Variants in FRMPD3 observed in about 807,000 individuals in gnomAD.
The protein encoded by FRMPD3 is FERM and PDZ domain containing 3, also known as FERM and PDZ domain-containing protein 3.
In FRMPD3, 42 loss-of-function variants were observed where a neutral mutation model predicts 97.9. That is an observed-to-expected ratio of 0.43 (90% CI 0.34 to 0.55). The LOEUF is 0.55. FRMPD3 is among the 20% of genes least tolerant of loss of function. The probability of loss-of-function intolerance (pLI) is 0.03; values close to 1 mark genes in which losing one functional copy is unlikely to be tolerated. For missense variants in FRMPD3, 1,303 were observed against 1,457.7 expected, an observed-to-expected ratio of 0.89 and a Z score of 1.73; for synonymous variants, 577 against 581.1, an observed-to-expected ratio of 0.99 and a Z score of 0.10.
chrX:107,485,184 G>A (rs1266974479), intron 1 of FRMPD3, among the ~76,000 whole-genome samples: 2 of 112,848 alleles, frequency 1.8e-5, no homozygotes, highest in Non-Finnish European at 3.7e-5. Flanking sequence ...TAAGGGGGAA[G>A]GAAAGGGGAA....
chrX:107,516,672 T>C lies in FRMPD3; in HGVS notation c.-7-9910T>C, dbSNP rs781075537. Reference sequence around the variant, plus strand: ...TGTGTTTTTTGGCTGCATAAATGTCTTCTTTTGAGAAGCGTCTGTTCATAT... The same window carrying C: ...TGTGTTTTTTGGCTGCATAAATGTCCTCTTTTGAGAAGCGTCTGTTCATAT... On this transcript the variant is annotated intron_variant, in intron 1 of 14. Coordinates refer to ENST00000683843, the MANE Select transcript of FRMPD3 (RefSeq NM_001388459.1). Among the ~76,000 whole-genome samples, 309 of 111,939 alleles carry C rather than the reference T, an allele frequency of 2.8e-3. 5 individuals are homozygous for C. Among genetic ancestry groups the C allele is most frequent in the African/African-American group, 9.6e-3 (296 of 30,847 alleles).
At chrX:107,489,056 A>T (rs1369707231) in intron 1 of FRMPD3, among the ~76,000 whole-genome samples, 3 of 94,875 alleles carry the variant, frequency 3.2e-5, no homozygotes, top group Admixed American at 1.3e-4. Context: ...TCGTTGTTCA[A>T]TTCCCACCTA....
At position 107,550,114 on chromosome X, in the gene FRMPD3, G is replaced by A. The variant is rs1398652319; in HGVS notation, c.468G>A (p.Gly156=). The A allele has an allele frequency of 8.3e-7, 1 of 1,203,088 alleles. No homozygotes were observed. Among genetic ancestry groups the A allele is most frequent in the African/African-American group, 1.8e-5 (1 of 56,939 alleles). ...TCCTGAAGGTTTTCTTAGAAAATGG[G>A]CAGATCAAGTCATTCACATTTGATG... The part of the protein sequence containing the change: ...PNVLKVFLEN[G]QIKSFTFDGR... The change falls in exon 6 of 15, where the codon GGG becomes GGA. Residue 156 remains glycine (G), a synonymous_variant. Coordinates refer to ENST00000683843, the MANE Select transcript of FRMPD3 (RefSeq NM_001388459.1).
chrX:107,533,530 A>C lies in FRMPD3; in HGVS notation c.277A>C (p.Thr93Pro). 1 of 1,207,225 alleles carries C rather than the reference A, an allele frequency of 8.3e-7. No homozygotes were observed. Among genetic ancestry groups the C allele is most frequent in the Non-Finnish European group, 1.1e-6 (1 of 893,104 alleles). The change falls in exon 4 of 15, where the codon ACA becomes CCA. Residue 93 changes from threonine (T) to proline (P), a missense_variant. By Grantham distance (38) the Thr-to-Pro change is conservative. Transcript: ENST00000683843. ...IRSAKEFIVL[T>P]VLHTHQSPKS... ...GAGCGCTAAGGAATTCATCGTTCTT[A>C]CAGTTCTGCACACTCATCAGGTGAG...
chrX:107,562,728 G>A (rs1442252070), intron 10 of FRMPD3, among the ~76,000 whole-genome samples: 1 of 112,157 alleles, frequency 8.9e-6, no homozygotes, highest in Non-Finnish European at 1.9e-5. Context: ...TAGTATGAAC[G>A]GTATTGAGTG....
chrX:107,602,466 A>G lies in FRMPD3; in HGVS notation c.4427A>G (p.Tyr1476Cys), dbSNP rs540091885. The change falls in exon 15 of 15, where the codon TAC (tyrosine) becomes TGC (cysteine). Residue 1476 changes from tyrosine (Y) to cysteine (C), a missense_variant. By Grantham distance (194) the Tyr-to-Cys change is radical (BLOSUM62 -2). Coordinates refer to ENST00000683843, the MANE Select transcript of FRMPD3 (RefSeq NM_001388459.1). ...GTGTTCTCACTGCCCGAGGAGGTGT[A>G]CCGGAAGCCTGCCGAGCTAGACGAG... The part of the protein sequence containing the change: ...MAVFSLPEEV[Y>C]RKPAELDEDS... 23 of 1,210,228 alleles carry G rather than the reference A, an allele frequency of 1.9e-5. No homozygotes were observed. In the South Asian group the frequency reaches 3.7e-4, roughly 19 times the overall value.
chrX:107,456,695 T>G (rs1464462315), intron 1 of FRMPD3, among the ~76,000 whole-genome samples: 3 of 112,099 alleles, frequency 2.7e-5, no homozygotes, highest in Admixed American at 9.5e-5. Flanking sequence ...CACGTGACAT[T>G]TGGTTGTTAT....
intron 12 of FRMPD3, among the ~76,000 whole-genome samples, chrX:107,574,216 G>GA (rs1923020326): frequency 9.0e-6 from 1 of 110,700 alleles, no homozygotes; most frequent in Admixed American, 9.6e-5. Flanking sequence ...GGCCAAGGAG[G>GA]ATCACTTGTG....
intron 1 of FRMPD3, among the ~76,000 whole-genome samples, chrX:107,484,571 G>A (rs1027490579): frequency 1.8e-5 from 2 of 112,324 alleles, no homozygotes; most frequent in Non-Finnish European, 3.8e-5. Flanking sequence ...GACAAGCTGC[G>A]TCATCGCTGG....
At chrX:107,533,093 A>G (rs1923038936) in intron 3 of FRMPD3, among the ~76,000 whole-genome samples, 1 of 111,587 alleles carries the variant, frequency 9.0e-6, no homozygotes, top group African/African-American at 3.3e-5. Context: ...TAAATACCAA[A>G]TTACCAATAA....
At chrX:107,555,088 G>A (rs1323681833) in intron 8 of FRMPD3, 1 of 113,699 alleles carries the variant, frequency 8.8e-6, no homozygotes, top group Non-Finnish European at 1.8e-5. Context: ...AGTGATATAT[G>A]CATGCTCTTA....
intron 12 of FRMPD3, among the ~76,000 whole-genome samples, chrX:107,573,440 A>G (rs981363504): frequency 2.1e-4 from 23 of 111,723 alleles, no homozygotes; most frequent in Admixed American, 1.4e-3. Context: ...CTGCCCCCCA[A>G]GTTCATTTCC....
intron 3 of FRMPD3, among the ~76,000 whole-genome samples, chrX:107,531,629 C>T (rs1301207199): frequency 1.8e-5 from 2 of 111,598 alleles, no homozygotes; most frequent in East Asian, 5.6e-4. Flanking sequence ...CTCCTTCCAG[C>T]TCAATACCAT....
At chrX:107,465,566 G>C in intron 1 of FRMPD3, among the ~76,000 whole-genome samples, 1 of 111,923 alleles carries the variant, frequency 8.9e-6, no homozygotes. Context: ...CACAAAAAAA[G>C]TATTAAAGAC....
chrX:107,470,178 A>G (rs1302923700), intron 1 of FRMPD3, among the ~76,000 whole-genome samples: 7 of 112,767 alleles, frequency 6.2e-5, no homozygotes, highest in Non-Finnish European at 9.4e-5. Flanking sequence ...CTATTTCTGT[A>G]TAACAAATTA....
intron 1 of FRMPD3, among the ~76,000 whole-genome samples, chrX:107,452,824 A>G (rs1392782406): frequency 9.5e-6 from 1 of 105,585 alleles, no homozygotes; most frequent in Non-Finnish European, 1.9e-5. Flanking sequence ...GACATCCTCT[A>G]GGAGCAGTAG....
chrX:107,565,042 G>A lies in FRMPD3; in HGVS notation c.1272G>A (p.Val424=), dbSNP rs751351099. The change falls in exon 12 of 15, where the codon GTG becomes GTA. Residue 424 remains valine (V), a synonymous_variant. Transcript: ENST00000683843. ...LFRENQGVAR[V]ETSIMDAKPL... ...GGGAGAACCAGGGCGTGGCCCGGGT[G>A]GAGACCAGCATCATGGATGCCAAGG... The A allele has an allele frequency of 1.7e-6, 2 of 1,193,250 alleles. No homozygotes were observed. The highest frequency in any genetic ancestry group is 2.3e-6 in the Non-Finnish European group (2 of 886,199).
intron 8 of FRMPD3, among the ~76,000 whole-genome samples, chrX:107,558,088 A>ACTATAGATC (rs2147592971): frequency 9.2e-6 from 1 of 108,593 alleles, no homozygotes; most frequent in Non-Finnish European, 1.9e-5. Flanking sequence ...TTGTGTTGAA[A>ACTATAGATC]CTATAGATCA....
chrX:107,542,122 C>T (rs1921340523), intron 4 of FRMPD3, among the ~76,000 whole-genome samples: 1 of 112,565 alleles, frequency 8.9e-6, no homozygotes, highest in African/African-American at 3.2e-5. Flanking sequence ...TGGAATCAAA[C>T]ACAGCTGCCT....
Sources: allele counts gnomAD v4.1 joint callset (sites outside exome capture counted in the v4.1 genomes callset), GRCh38; gene constraint gnomAD v4.1.1; transcripts MANE v1.5; gene names NCBI Gene and HGNC (gene_info 2026-07-23, HGNC 2026-07-21).